TMEM52B: variants seen among roughly 807,000 people sequenced by gnomAD.
TMEM52B encodes transmembrane protein 52B, also known as chromosome 12 open reading frame 59.
Under a neutral mutation model 16.1 loss-of-function variants are expected in TMEM52B, and 11 were observed. The observed-to-expected ratio is 0.68, with a 90% confidence interval of 0.43 to 1.13. TMEM52B has a LOEUF of 1.13. Ranked by LOEUF, TMEM52B falls within the 50% of genes most tolerant of loss-of-function variation. TMEM52B has a pLI of 0.00. For synonymous variants in TMEM52B, 101 were observed against 93.8 expected, an observed-to-expected ratio of 1.08 and a Z score of -0.45; for missense variants, 243 against 230.4, an observed-to-expected ratio of 1.05 and a Z score of -0.35.
chr12:10,189,789 G>C (rs958588130), intron 4 of TMEM52B, 107 bp from the exon 5 acceptor site: 43 of 1,469,332 alleles, frequency 2.9e-5, no homozygotes, highest in Non-Finnish European at 3.9e-5. Flanking sequence ...AATGAGTTTG[G>C]ATACTTGTAA....
At chr12:10,180,275 G>GGT (rs1948807145) in intron 1 of TMEM52B, among the ~76,000 whole-genome samples, 1 of 143,016 alleles carries the variant, frequency 7.0e-6, no homozygotes, top group East Asian at 2.2e-4. Context: ...TGTATGGTTT[G>GGT]TTTTTTTTTT....
At chr12:10,174,884 A>G (rs1307731568), upstream of TMEM52B, among the ~76,000 whole-genome samples, 1 of 152,244 alleles carries the variant, frequency 6.6e-6, no homozygotes, top group Non-Finnish European at 1.5e-5. Flanking sequence ...GTCTTCAACA[A>G]TTATCAATGT....
chr12:10,187,473 C>T (rs1174432784), intron 4 of TMEM52B, among the ~76,000 whole-genome samples: 1 of 151,846 alleles, frequency 6.6e-6, no homozygotes, highest in Non-Finnish European at 1.5e-5. Flanking sequence ...GTGGGAATCT[C>T]AGCTCACTGC....
intron 4 of TMEM52B, among the ~76,000 whole-genome samples, chr12:10,187,958 G>A (rs1364752509): frequency 6.6e-6 from 1 of 151,984 alleles, no homozygotes; most frequent in Admixed American, 6.6e-5. Flanking sequence ...AACTAGCCAG[G>A]CATGGTGGCA....
Position 10,179,623 on chromosome 12 carries a change from A to T in TMEM52B, c.49A>T (p.Ile17Phe), listed in dbSNP as rs1037036843. 2.5e-6 allele frequency: 4 copies of T among 1,614,094 alleles called. No individual in the cohort carries two copies. Among genetic ancestry groups the T allele is most frequent in the Non-Finnish European group, 3.4e-6 (4 of 1,180,042 alleles). ...VVAASALLYF[I>F]LLSGTRCEEN... The stretch of plus-strand genomic sequence containing the variant: ...GGCGGCCTCAGCCCTGCTGTATTTC[A>T]TCCTGGTGAGTTCAGTGGTGAAAAG... The change falls in exon 1 of 5, where the codon ATC (isoleucine) becomes TTC (phenylalanine). Residue 17 changes from isoleucine (I) to phenylalanine (F), a missense_variant. Ile to Phe is a conservative substitution (Grantham distance 21, BLOSUM62 0). Coordinates refer to ENST00000543484, the MANE Select transcript of TMEM52B (RefSeq NM_001384896.1).
intron 4 of TMEM52B, among the ~76,000 whole-genome samples, chr12:10,188,906 A>G (rs1948918346): frequency 6.6e-6 from 1 of 151,098 alleles, no homozygotes; most frequent in African/African-American, 2.4e-5. Flanking sequence ...AGTCCCAGCT[A>G]CTCAGGAGGC....
intron 1 of TMEM52B, among the ~76,000 whole-genome samples, chr12:10,181,676 A>G (rs1433597113): frequency 6.6e-6 from 1 of 151,752 alleles, no homozygotes; most frequent in African/African-American, 2.4e-5. Flanking sequence ...ACCTTTCAAG[A>G]TAAGGTTAAA....
rs770940173 is a variant in TMEM52B, at chr12:10,190,192, G to C, written c.*52G>C. 6.2e-7 allele frequency: 1 copy of C among 1,604,224 alleles called. No individual in the cohort carries two copies. Among genetic ancestry groups the C allele is most frequent in the Non-Finnish European group, 8.5e-7 (1 of 1,174,886 alleles). On this transcript the variant is annotated 3_prime_UTR_variant, in exon 5 of 5. Transcript: ENST00000543484. ...GTGGAGTGATGTCCAGAGTCTGTGG[G>C]AAAATGGAACACATACTTTTCTAAC...
chr12:10,187,262 T>C lies in TMEM52B; in HGVS notation c.307+673T>C, dbSNP rs187576981. On this transcript the variant is annotated intron_variant, in intron 4 of 4. Coordinates refer to ENST00000543484, the MANE Select transcript of TMEM52B (RefSeq NM_001384896.1). ...AGATTACAGGCACCTGCACCATGCC[T>C]GGCTAATTTTTGTATTTTTAGTAGA... 2.1e-3 allele frequency among the ~76,000 whole-genome samples: 312 copies of C among 151,534 alleles called. 1 individual carries two copies. Among genetic ancestry groups the C allele is most frequent in the African/African-American group, 7.2e-3 (295 of 41,250 alleles).
At position 10,190,271 on chromosome 12, in the gene TMEM52B, T is replaced by C; in HGVS notation, c.*131T>C. 1 of 1,197,746 alleles carries C rather than the reference T, an allele frequency of 8.3e-7. No homozygotes were observed. Among genetic ancestry groups the C allele is most frequent in the Non-Finnish European group, 1.2e-6 (1 of 856,596 alleles). The allele number at this position is 1,197,746 out of a possible 1,614,324, so 74.2% of individuals were successfully genotyped here. A position where few individuals can be genotyped will look rare whatever the true frequency, so the allele number is the denominator to read the frequency against. Reference sequence around the variant, plus strand: ...ACCATCATTCTATGGGAAAGATGGTTCTTACTCTTCGTTCACAGGCCTTTA... The same window carrying C: ...ACCATCATTCTATGGGAAAGATGGTCCTTACTCTTCGTTCACAGGCCTTTA... On this transcript the variant is annotated 3_prime_UTR_variant, in exon 5 of 5. Transcript: ENST00000543484.
rs1948867489 is a variant in TMEM52B, at chr12:10,185,318, C to A, written c.99-12C>A. On this transcript the variant is annotated splice_polypyrimidine_tract_variant and intron_variant, in intron 2 of 4. Coordinates refer to ENST00000543484, the MANE Select transcript of TMEM52B (RefSeq NM_001384896.1). ...TATTTTTAATGTAGAAAACTTTATT[C>A]TTTCTTTATAGTTGCCTGACCACAG... 2 of 1,593,522 alleles carry A rather than the reference C, an allele frequency of 1.3e-6. No homozygotes were observed. Among genetic ancestry groups the A allele is most frequent in the South Asian group, 2.2e-5 (2 of 90,614 alleles).
upstream of TMEM52B, among the ~76,000 whole-genome samples, chr12:10,178,296 C>T (rs888350786): frequency 6.6e-6 from 1 of 151,932 alleles, no homozygotes; most frequent in Non-Finnish European, 1.5e-5. Context: ...TCGGGCGGAT[C>T]ATGAGGTCAG....
upstream of TMEM52B, among the ~76,000 whole-genome samples, chr12:10,177,135 GA>G (rs1948771604): frequency 6.6e-6 from 1 of 152,134 alleles, no homozygotes; most frequent in East Asian, 1.9e-4. Flanking sequence ...TAATTTAGTG[GA>G]AGGCCACCTA....
At chr12:10,189,572 C>G (rs1015165743) in intron 4 of TMEM52B, among the ~76,000 whole-genome samples, 3 of 139,982 alleles carry the variant, frequency 2.1e-5, no homozygotes, top group Non-Finnish European at 4.5e-5. Flanking sequence ...TGCAATGAGC[C>G]AAGATCCACC....
At chr12:10,186,610 A>G in intron 4 of TMEM52B, 21 bp downstream of exon 4, 1 of 1,530,794 alleles carries the variant, frequency 6.5e-7, no homozygotes, top group Non-Finnish European at 8.9e-7. Flanking sequence ...TGAACTTTTA[A>G]CCTGGGAGGA....
At chr12:10,176,961 T>C (rs1031429106), upstream of TMEM52B, among the ~76,000 whole-genome samples, 4 of 152,224 alleles carry the variant, frequency 2.6e-5, no homozygotes, top group Non-Finnish European at 4.4e-5. Context: ...AGTTTCATGA[T>C]GGGTTCCCTA....
intron 2 of TMEM52B, among the ~76,000 whole-genome samples, chr12:10,183,100 C>T (rs531989301): frequency 8.5e-5 from 13 of 152,238 alleles, no homozygotes; most frequent in Admixed American, 5.2e-4. Flanking sequence ...CTTATGTAGA[C>T]ACAGAGGACA....
At chr12:10,187,497 T>G (rs71450023) in intron 4 of TMEM52B, among the ~76,000 whole-genome samples, 1 of 152,102 alleles carries the variant, frequency 6.6e-6, no homozygotes, top group South Asian at 2.1e-4. Flanking sequence ...CTCCGCCTCC[T>G]GGGTTGAAGA....
At chr12:10,187,385 C>A (rs981749018) in intron 4 of TMEM52B, among the ~76,000 whole-genome samples, 6 of 151,098 alleles carry the variant, frequency 4.0e-5, no homozygotes, top group African/African-American at 1.5e-4. Context: ...CAGGCGTGAG[C>A]CACCATGCCT....
Sources: gnomAD v4.1 joint callset for allele counts (sites outside exome capture counted in the v4.1 genomes callset) on GRCh38, gnomAD v4.1.1 for gene constraint, MANE v1.5 for transcripts, NCBI Gene and HGNC (gene_info 2026-07-23, HGNC 2026-07-21) for gene names.